Variants in C4orf51 observed in about 807,000 individuals in gnomAD.
C4orf51 encodes the protein chromosome 4 open reading frame 51.
A neutral mutation model predicts 25.2 loss-of-function variants in C4orf51; 25 were observed. The observed-to-expected ratio is 0.99, with a 90% CI of 0.72 to 1.39. The LOEUF is 1.39. Among genes scored for constraint, C4orf51 ranks in the 40% most tolerant of loss-of-function variants. The probability of loss-of-function intolerance (pLI) is 0.00; values close to 1 mark genes in which losing one functional copy is unlikely to be tolerated. For missense variants in C4orf51, 252 were observed against 239.6 expected (o/e 1.05, Z -0.34); for synonymous variants, 100 against 84.5 (o/e 1.18, Z -1.01).
intron 2 of C4orf51, among the ~76,000 whole-genome samples, chr4:145,708,430 C>T (rs1730955825): frequency 6.6e-6 from 1 of 152,144 alleles, no homozygotes; most frequent in Non-Finnish European, 1.5e-5. Flanking sequence ...GACAAGATTA[C>T]CTGTCTGTGA....
At chr4:145,768,890 A>AAAATAT (rs1553975847) in intron 1 of C4orf51, among the ~76,000 whole-genome samples, 1 of 7,724 alleles carries the variant, frequency 1.3e-4, no homozygotes, top group Non-Finnish European at 3.2e-4. Flanking sequence ...AAAAAAAAAA[A>AAAATAT]ATATATATAT....
At chr4:145,727,866 G>A (rs1232049167) in intron 3 of C4orf51, among the ~76,000 whole-genome samples, 1 of 133,902 alleles carries the variant, frequency 7.5e-6, no homozygotes, top group Non-Finnish European at 1.5e-5. Context: ...TGGGCAACAA[G>A]AGTGAAACTC....
intron 2 of C4orf51, among the ~76,000 whole-genome samples, chr4:145,705,666 A>G (rs1730763142): frequency 6.6e-6 from 1 of 152,000 alleles, no homozygotes; most frequent in African/African-American, 2.4e-5. Flanking sequence ...CAGGGACAGG[A>G]TTTTGCCTCT....
At chr4:145,712,365 GA>G (rs1256137737) in intron 2 of C4orf51, among the ~76,000 whole-genome samples, 1 of 152,124 alleles carries the variant, frequency 6.6e-6, no homozygotes, top group Admixed American at 6.6e-5. Flanking sequence ...TGAATACAAA[GA>G]AAAAGTTCTT....
In C4orf51 at chr4:145,732,439, C is replaced by T; in HGVS notation, c.502-14C>T. The T allele has an allele frequency of 2.5e-6, 4 of 1,578,516 alleles. No homozygotes were observed. The highest frequency in any genetic ancestry group is 3.5e-6 in the Non-Finnish European group (4 of 1,151,968). Reference sequence around the variant, plus strand: ...GGATGAGCGAGTGTTGACAACCAGGCCATTTTTCTCCAGCTTCATGGACGG... The same window carrying T: ...GGATGAGCGAGTGTTGACAACCAGGTCATTTTTCTCCAGCTTCATGGACGG... On this transcript the variant is annotated splice_polypyrimidine_tract_variant and intron_variant, in intron 5 of 5. Transcript: ENST00000438731.
chr4:145,754,191 C>T (rs1041964385), intron 1 of C4orf51: 2 of 152,232 alleles, frequency 1.3e-5, no homozygotes, highest in African/African-American at 4.8e-5. Flanking sequence ...TCACCTTATT[C>T]TACCTTTTGT....
chr4:145,746,819 A>T (rs1269875841), intron 1 of C4orf51, among the ~76,000 whole-genome samples: 1 of 152,008 alleles, frequency 6.6e-6, no homozygotes, highest in Non-Finnish European at 1.5e-5. Flanking sequence ...TGGACATTTT[A>T]ACAATATTGA....
intron 2 of C4orf51, among the ~76,000 whole-genome samples, chr4:145,720,019 T>G (rs1442510865): frequency 6.6e-6 from 1 of 152,122 alleles, no homozygotes; most frequent in Non-Finnish European, 1.5e-5. Flanking sequence ...TGATCATGCC[T>G]CAGAGGTGTG....
the C4orf51 span, among the ~76,000 whole-genome samples, chr4:145,785,846 T>C: frequency 6.6e-6 from 1 of 152,142 alleles, no homozygotes. Context: ...TGGCTCTGAG[T>C]TTAATACTCT....
At chr4:145,688,486 C>T (rs1258632272) in intron 1 of C4orf51, among the ~76,000 whole-genome samples, 1 of 152,158 alleles carries the variant, frequency 6.6e-6, no homozygotes, top group South Asian at 2.1e-4. Flanking sequence ...TTCCCCCATG[C>T]TGCTTTTGTG....
intron 5 of C4orf51, among the ~76,000 whole-genome samples, chr4:145,731,666 C>T (rs769514341): frequency 2.1e-5 from 3 of 144,662 alleles, no homozygotes; most frequent in Non-Finnish European, 4.5e-5. Flanking sequence ...ACTGCAACCT[C>T]CACCTCCTGG....
chr4:145,747,390 G>GT (rs34568681), intron 1 of C4orf51, among the ~76,000 whole-genome samples: 60,262 of 145,964 alleles, frequency 0.41, 13,271 homozygotes, highest in Non-Finnish European at 0.52. Context: ...GTTTTTTGAG[G>GT]TTTTTTTTTT....
At chr4:145,779,495 G>A in the C4orf51 span, 1 of 1,613,880 alleles carries the variant, frequency 6.2e-7, no homozygotes, top group South Asian at 1.1e-5. Context: ...CTGCCTCTAG[G>A]ACTATCTTTT....
chr4:145,752,845 A>G (rs1230918849), intron 1 of C4orf51, among the ~76,000 whole-genome samples: 2 of 152,192 alleles, frequency 1.3e-5, no homozygotes, highest in East Asian at 3.9e-4. Flanking sequence ...CCCTCTGGCT[A>G]GGGCTGTTCT....
intron 3 of C4orf51, among the ~76,000 whole-genome samples, chr4:145,727,676 G>A (rs1732139632): frequency 6.7e-6 from 1 of 150,230 alleles, no homozygotes; most frequent in Non-Finnish European, 1.5e-5. Flanking sequence ...AGGAGTTTGA[G>A]ACCAGCCTGA....
At chr4:145,701,324 G>C (rs1334304355) in intron 2 of C4orf51, among the ~76,000 whole-genome samples, 2 of 151,900 alleles carry the variant, frequency 1.3e-5, no homozygotes, top group African/African-American at 4.8e-5. Context: ...CGCCTAAACC[G>C]AAGTGCCCAG....
chr4:145,773,991 T>A (rs930765363), downstream of C4orf51, among the ~76,000 whole-genome samples: 1 of 152,050 alleles, frequency 6.6e-6, no homozygotes, highest in African/African-American at 2.4e-5. Context: ...TGGGCTGAGT[T>A]TCAGTAGTCA....
chr4:145,733,438 C>T (rs1252229470), downstream of C4orf51, among the ~76,000 whole-genome samples: 1 of 152,194 alleles, frequency 6.6e-6, no homozygotes, highest in Admixed American at 6.5e-5. Context: ...GCCGTCTAGG[C>T]CCGCGAAGGG....
chr4:145,742,490 A>C lies in C4orf51; in HGVS notation n.167+9871A>C, dbSNP rs1733149383. ...CATGAACTTTCTTCTGAGCTTTGGA[A>C]TACATTTTCAGTTTTCTACACGACA... On this transcript the variant is annotated intron_variant and non_coding_transcript_variant, in intron 1 of 1. Transcript: ENST00000508981. Among the ~76,000 whole-genome samples, 3 of 150,496 alleles carry C rather than the reference A, an allele frequency of 2.0e-5. No individual in the cohort carries two copies. In the South Asian group the frequency reaches 6.3e-4, roughly 31 times the overall value.
Sources: allele counts gnomAD v4.1 joint callset (sites outside exome capture counted in the v4.1 genomes callset), GRCh38; gene constraint gnomAD v4.1.1; transcripts MANE v1.5; gene names NCBI Gene and HGNC (gene_info 2026-07-23, HGNC 2026-07-21).